OR14A2: variants seen among roughly 807,000 people sequenced by gnomAD.
The protein encoded by OR14A2 is olfactory receptor family 14 subfamily A member 2.
For synonymous variants in OR14A2, 114 were observed against 58.6 expected, an observed-to-expected ratio of 1.95 and a Z score of -4.32; for missense variants, 237 against 152.9, an observed-to-expected ratio of 1.55 and a Z score of -2.90.
At chr1:247,745,573 T>G in the OR14A2 span, among the ~76,000 whole-genome samples, 2 of 152,068 alleles carry the variant, frequency 1.3e-5, no homozygotes, top group Non-Finnish European at 2.9e-5. Flanking sequence ...AAAAAGAGTT[T>G]TAGAAAGAAG....
upstream of OR14A2, among the ~76,000 whole-genome samples, chr1:247,728,182 C>G (rs574932739): frequency 1.1e-4 from 16 of 152,234 alleles, no homozygotes; most frequent in Admixed American, 5.2e-4. Flanking sequence ...CAACAAAATT[C>G]TGGCAAACCG....
chr1:247,743,455 A>G, the OR14A2 span, among the ~76,000 whole-genome samples: 3 of 152,180 alleles, frequency 2.0e-5, no homozygotes, highest in African/African-American at 4.8e-5. Context: ...TTTTGCACCA[A>G]TTTTTATTTC....
exon 1 of OR14A2, chr1:247,723,693 G>A (rs1423050530): frequency 1.4e-6 from 1 of 718,650 alleles, no homozygotes; most frequent in Non-Finnish European, 2.6e-6. Flanking sequence ...AGCGGTCATA[G>A]GACATGGCAG....
the OR14A2 span, among the ~76,000 whole-genome samples, chr1:247,734,251 A>T: frequency 1.3e-5 from 2 of 152,180 alleles, no homozygotes; most frequent in Non-Finnish European, 2.9e-5. Context: ...CACAGAGACG[A>T]CCAGAGGAAG....
chr1:247,745,600 T>C, the OR14A2 span, among the ~76,000 whole-genome samples: 1 of 152,092 alleles, frequency 6.6e-6, no homozygotes, highest in African/African-American at 2.4e-5. Flanking sequence ...TTTTTCTTTT[T>C]TTCTTTGTAT....
chr1:247,738,514 C>T, the OR14A2 span: 1,173 of 641,604 alleles, frequency 1.8e-3, 8 homozygotes, highest in Middle Eastern at 9.1e-3. Context: ...CTTGATGCTA[C>T]ACATACCTTC....
At chr1:247,736,070 T>C in the OR14A2 span, among the ~76,000 whole-genome samples, 174 of 151,436 alleles carry the variant, frequency 1.1e-3, no homozygotes, top group African/African-American at 3.9e-3. Context: ...AGATTCCATA[T>C]AGCCTTTGTT....
At chr1:247,741,748 A>G in the OR14A2 span, among the ~76,000 whole-genome samples, 1 of 152,242 alleles carries the variant, frequency 6.6e-6, no homozygotes, top group African/African-American at 2.4e-5. Flanking sequence ...TTGGTCATGT[A>G]GTTCTACATT....
chr1:247,736,622 G>A, the OR14A2 span, among the ~76,000 whole-genome samples: 1 of 152,116 alleles, frequency 6.6e-6, no homozygotes, highest in African/African-American at 2.4e-5. Context: ...ACATCACTGG[G>A]GTGGAAGGAA....
the OR14A2 span, among the ~76,000 whole-genome samples, chr1:247,732,647 A>G: frequency 6.6e-5 from 10 of 152,320 alleles, no homozygotes; most frequent in Middle Eastern, 3.4e-3. Flanking sequence ...AATCCTGCAT[A>G]TAAGTGCTTA....
the OR14A2 span, among the ~76,000 whole-genome samples, chr1:247,744,550 G>A: frequency 3.3e-5 from 5 of 152,156 alleles, no homozygotes; most frequent in African/African-American, 1.2e-4. The surrounding 1 kb of genome is among the most constrained non-coding windows in gnomAD (Gnocchi z 4.3). Context: ...GGGGTTAAGA[G>A]TTTTGGATGT....
chr1:247,741,600 C>G, the OR14A2 span, among the ~76,000 whole-genome samples: 26 of 151,900 alleles, frequency 1.7e-4, no homozygotes, highest in Non-Finnish European at 3.5e-4. Flanking sequence ...ATAAATCACA[C>G]AAGTATGCAT....
At chr1:247,738,605 A>G in the OR14A2 span, 2 of 768,962 alleles carry the variant, frequency 2.6e-6, no homozygotes, top group Non-Finnish European at 4.8e-6. Flanking sequence ...GGCGCTTATA[A>G]TTTTGAACTA....
At chr1:247,743,970 T>C in the OR14A2 span, among the ~76,000 whole-genome samples, 1 of 152,214 alleles carries the variant, frequency 6.6e-6, no homozygotes, top group Non-Finnish European at 1.5e-5. Context: ...ATTATCTACC[T>C]GTAATTAATT....
the OR14A2 span, among the ~76,000 whole-genome samples, chr1:247,740,649 G>T: frequency 6.6e-6 from 1 of 151,990 alleles, no homozygotes; most frequent in Admixed American, 6.6e-5. Flanking sequence ...ACATTTTCTG[G>T]ACCTTTAATA....
chr1:247,723,715 A>C (rs1660261344), exon 1 of OR14A2: 5 of 718,452 alleles, frequency 7.0e-6, no homozygotes, highest in African/African-American at 1.7e-5. Flanking sequence ...GAGGATAAAT[A>C]TCTCTCCTGC....
chr1:247,745,133 T>C, the OR14A2 span, among the ~76,000 whole-genome samples: 2 of 152,104 alleles, frequency 1.3e-5, no homozygotes, highest in Non-Finnish European at 2.9e-5. Flanking sequence ...CTTTCTTACC[T>C]GGAAAACTAA....
the OR14A2 span, among the ~76,000 whole-genome samples, chr1:247,740,622 A>G: frequency 6.6e-6 from 1 of 152,180 alleles, no homozygotes; most frequent in Non-Finnish European, 1.5e-5. Context: ...ACTGTTTCTA[A>G]CATTGTGATA....
upstream of OR14A2, among the ~76,000 whole-genome samples, chr1:247,725,485 T>TTTTATTTA (rs539862993): frequency 5.5e-4 from 82 of 149,950 alleles, no homozygotes; most frequent in African/African-American, 1.9e-3. Context: ...ATCTACAAGA[T>TTTTATTTA]TTTATTTATT....
Sources: gnomAD v4.1 joint callset for allele counts (sites outside exome capture counted in the v4.1 genomes callset) on GRCh38, gnomAD v4.1.1 for gene constraint, Gnocchi (gnomAD v3.1) non-coding constraint, MANE v1.5 for transcripts, NCBI Gene and HGNC (gene_info 2026-07-23, HGNC 2026-07-21) for gene names.